Variants in VWC2 observed in about 807,000 individuals in gnomAD.
The protein encoded by VWC2 is von Willebrand factor C domain containing 2.
In VWC2, 14 loss-of-function variants were observed where a neutral mutation model predicts 29.8. The observed-to-expected ratio is 0.47, with a 90% confidence interval of 0.31 to 0.74. VWC2 has a LOEUF of 0.74. Among genes scored for constraint, VWC2 ranks in the 30% least tolerant of loss-of-function variants. VWC2 has a pLI of 0.05. For synonymous variants in VWC2, 213 were observed against 199.0 expected, an observed-to-expected ratio of 1.07 and a Z score of -0.59; for missense variants, 457 against 459.8, an observed-to-expected ratio of 0.99 and a Z score of 0.05.
In VWC2 at chr7:49,915,763, T is replaced by C. The variant is rs909593347; in HGVS notation, c.*3578T>C. 23 of 152,204 alleles carry C rather than the reference T, an allele frequency of 1.5e-4. No individual in the cohort carries two copies. Among genetic ancestry groups the C allele is most frequent in the Admixed American group, 8.5e-4 (13 of 15,274 alleles). The allele number at this position is 152,204 out of a possible 1,614,324, so 9.4% of individuals were successfully genotyped here. ...TTTGCTTCAATGGGCAAGAGATCAA[T>C]CCTACTTTTCATTGTTATTTTTAAT... is the stretch of plus-strand genomic sequence containing the variant. On this transcript the variant is annotated 3_prime_UTR_variant, in exon 4 of 4. Transcript: ENST00000340652.
intron 3 of VWC2, among the ~76,000 whole-genome samples, chr7:49,818,672 C>T (rs1789202835): frequency 6.6e-6 from 1 of 151,578 alleles, no homozygotes; most frequent in African/African-American, 2.4e-5. Context: ...GTTGCATGCA[C>T]TTCACTTTCC....
chr7:49,820,726 C>A (rs1323790074), intron 3 of VWC2, among the ~76,000 whole-genome samples: 1 of 152,220 alleles, frequency 6.6e-6, no homozygotes, highest in African/African-American at 2.4e-5. Context: ...TACATTGACT[C>A]TTCCCCATCA....
At chr7:49,865,569 G>C (rs563249032) in intron 3 of VWC2, among the ~76,000 whole-genome samples, 1 of 152,262 alleles carries the variant, frequency 6.6e-6, no homozygotes, top group South Asian at 2.1e-4. Context: ...CACATAGTGG[G>C]CTTAGGACTC....
intron 3 of VWC2, among the ~76,000 whole-genome samples, chr7:49,815,503 T>C (rs912463584): frequency 6.6e-6 from 1 of 152,230 alleles, no homozygotes; most frequent in Admixed American, 6.5e-5. Flanking sequence ...TGTTAAACTA[T>C]AGAAAAATGA....
At chr7:49,851,987 T>C (rs1666866011) in intron 3 of VWC2, among the ~76,000 whole-genome samples, 1 of 152,206 alleles carries the variant, frequency 6.6e-6, no homozygotes, top group Admixed American at 6.5e-5. Flanking sequence ...GAAGATGGCA[T>C]CCTCATCCCC....
chr7:49,879,638 C>T (rs1395677747), intron 3 of VWC2, among the ~76,000 whole-genome samples: 1 of 152,150 alleles, frequency 6.6e-6, no homozygotes, highest in Non-Finnish European at 1.5e-5. Context: ...CTGTCCCAAC[C>T]CCAACTGGAA....
At chr7:49,819,745 G>T (rs1049315831) in intron 3 of VWC2, among the ~76,000 whole-genome samples, 3 of 152,150 alleles carry the variant, frequency 2.0e-5, no homozygotes, top group African/African-American at 4.8e-5. Context: ...CTCTAAGGGG[G>T]GCCCGTGGGG....
At chr7:49,806,535 A>G (rs1476231123) in intron 3 of VWC2, among the ~76,000 whole-genome samples, 2 of 152,250 alleles carry the variant, frequency 1.3e-5, no homozygotes, top group Non-Finnish European at 2.9e-5. Context: ...AGGAAAGTGA[A>G]AAACATTTAT....
At position 49,809,360 on chromosome 7, in the gene VWC2, T is replaced by G. The variant is rs497605; in HGVS notation, c.826+6520T>G. Among the ~76,000 whole-genome samples, 1,246 of 151,938 alleles carry G rather than the reference T, an allele frequency of 8.2e-3. 20 individuals are homozygous for G. Among genetic ancestry groups the G allele is most frequent in the African/African-American group, 0.029 (1,195 of 41,514 alleles). Reference sequence around the variant, plus strand: ...CTGAATTGTCCTAAAACAAATAAAATACAAATTAATAATTAAGAGCTTCCC... The same window carrying G: ...CTGAATTGTCCTAAAACAAATAAAAGACAAATTAATAATTAAGAGCTTCCC... On this transcript the variant is annotated intron_variant, in intron 3 of 3. Transcript: ENST00000340652.
intron 3 of VWC2, among the ~76,000 whole-genome samples, chr7:49,867,242 TATG>T (rs1175099523): frequency 1.2e-4 from 19 of 152,344 alleles, no homozygotes; most frequent in African/African-American, 4.1e-4. Flanking sequence ...GCCATAGGAA[TATG>T]ATATTGACCA....
intron 3 of VWC2, among the ~76,000 whole-genome samples, chr7:49,884,680 G>A (rs542690560): frequency 6.6e-6 from 1 of 152,142 alleles, no homozygotes; most frequent in Non-Finnish European, 1.5e-5. Flanking sequence ...AGGACCTGCT[G>A]CCTGACTGTG....
intron 3 of VWC2, among the ~76,000 whole-genome samples, chr7:49,895,657 A>G (rs1268030915): frequency 6.6e-6 from 1 of 152,206 alleles, no homozygotes; most frequent in East Asian, 1.9e-4. Context: ...ATCAGTAATT[A>G]ATTATCAGCC....
At chr7:49,834,868 A>G (rs1444587828) in intron 3 of VWC2, among the ~76,000 whole-genome samples, 2 of 152,198 alleles carry the variant, frequency 1.3e-5, no homozygotes, top group Non-Finnish European at 2.9e-5. Context: ...CACCCTCTGC[A>G]TACAGTTGTT....
At chr7:49,906,564 C>T (rs2128739861) in intron 3 of VWC2, among the ~76,000 whole-genome samples, 1 of 152,280 alleles carries the variant, frequency 6.6e-6, no homozygotes, top group East Asian at 1.9e-4. Flanking sequence ...TCTTGATCTC[C>T]TGACCTCGTG....
At chr7:49,802,578 C>A in intron 2 of VWC2, 133 bp from the exon 3 acceptor site, 1 of 1,211,272 alleles carries the variant, frequency 8.3e-7, no homozygotes, top group Non-Finnish European at 1.2e-6. Flanking sequence ...ACAGAGGTTG[C>A]GGTGAGCCGA....
intron 3 of VWC2, among the ~76,000 whole-genome samples, chr7:49,858,557 G>T (rs748278667): frequency 4.2e-5 from 6 of 141,854 alleles, no homozygotes; most frequent in African/African-American, 7.8e-5. Flanking sequence ...GCCTGTTGTG[G>T]GGTGGGGGAG....
intron 3 of VWC2, among the ~76,000 whole-genome samples, chr7:49,810,235 T>C (rs1331326828): frequency 6.6e-6 from 1 of 151,898 alleles, no homozygotes; most frequent in East Asian, 1.9e-4. Flanking sequence ...TATACAAAAA[T>C]ATACATTTTT....
At chr7:49,909,736 T>G (rs1047022978) in intron 3 of VWC2, among the ~76,000 whole-genome samples, 1 of 152,036 alleles carries the variant, frequency 6.6e-6, no homozygotes, top group Admixed American at 6.6e-5. Context: ...GATGAATGAT[T>G]GTTGGGTTCT....
At chr7:49,823,245 G>C (rs754643359) in intron 3 of VWC2, among the ~76,000 whole-genome samples, 1 of 152,162 alleles carries the variant, frequency 6.6e-6, no homozygotes, top group Non-Finnish European at 1.5e-5. Flanking sequence ...CTTGGTTACA[G>C]CTTTGAATGA....
Sources: allele counts gnomAD v4.1 joint callset (sites outside exome capture counted in the v4.1 genomes callset), GRCh38; gene constraint gnomAD v4.1.1; transcripts MANE v1.5; gene names NCBI Gene and HGNC (gene_info 2026-07-23, HGNC 2026-07-21).